RNGTT: variants seen among roughly 807,000 people sequenced by gnomAD.
RNGTT encodes the protein mRNA-capping enzyme.
RNGTT carries 33 observed loss-of-function variants against 79.3 expected under a neutral mutation model. The ratio of observed to expected loss-of-function variants is 0.42; its 90% confidence interval spans 0.32 to 0.56. The LOEUF is 0.56. RNGTT is among the 20% of genes least tolerant of loss of function. The pLI, the probability that RNGTT is intolerant of heterozygous loss-of-function variation, is 0.17. For missense variants in RNGTT, 497 were observed against 739.1 expected (o/e 0.67, Z 3.80); for synonymous variants, 222 against 235.9 (o/e 0.94, Z 0.54).
At chr6:88,880,337 A>T (rs1286456125) in intron 8 of RNGTT, among the ~76,000 whole-genome samples, 6 of 152,150 alleles carry the variant, frequency 3.9e-5, no homozygotes, top group Admixed American at 2.6e-4. Flanking sequence ...ACTTAAACAG[A>T]TGTGTTATAA....
chr6:88,728,093 A>C lies in RNGTT; in HGVS notation c.1439+41681T>G, dbSNP rs1197953781. Among the ~76,000 whole-genome samples the C allele has an allele frequency of 3.3e-5, 5 of 152,354 alleles. No homozygotes were observed. The East Asian group carries it at 7.7e-4, about 23-fold the overall frequency. On this transcript the variant is annotated intron_variant, in intron 13 of 15. Coordinates refer to ENST00000369485, the MANE Select transcript of RNGTT (RefSeq NM_003800.5). ...CGTCCCCTCCAGGGTCATGGGCCAT[A>C]GTCCCAAGGGAAAACCCTACCAAAC...
intron 1 of RNGTT, among the ~76,000 whole-genome samples, chr6:88,946,470 A>G (rs1224698710): frequency 3.3e-5 from 5 of 152,160 alleles, no homozygotes; most frequent in Admixed American, 1.3e-4. Flanking sequence ...TAAGTGTTCA[A>G]GTGAAATGAA....
Position 88,678,548 on chromosome 6 carries a change from AAAGT to A in RNGTT, c.1440-133_1440-130del, listed in dbSNP as rs148445796. ...AATATATTAGATGGATGCTGTGAGA[AAAGT>A]AATAACTGTGTAATTATTCTTATCT... On this transcript the variant is annotated intron_variant, in intron 13 of 15. Transcript: ENST00000369485. 1,431 of 416,270 alleles carry A rather than the reference AAAGT, an allele frequency of 3.4e-3. 9 individuals are homozygous for A. The highest frequency in any genetic ancestry group is 0.027 in the African/African-American group (1,277 of 48,022). The allele number at this position is 416,270 out of a possible 1,614,324, so 25.8% of individuals were successfully genotyped here. A position where few individuals can be genotyped will look rare whatever the true frequency, so the allele number is the denominator to read the frequency against.
chr6:88,854,425 C>A (rs575974778), intron 8 of RNGTT, among the ~76,000 whole-genome samples: 2 of 152,188 alleles, frequency 1.3e-5, no homozygotes, highest in South Asian at 4.2e-4. Context: ...CACATATACA[C>A]ATATATAAAT....
intron 4 of RNGTT, among the ~76,000 whole-genome samples, chr6:88,913,512 C>T (rs1783904256): frequency 6.6e-6 from 1 of 152,120 alleles, no homozygotes; most frequent in Non-Finnish European, 1.5e-5. Flanking sequence ...TAATTCACTG[C>T]TTCAAGCAAA....
At chr6:88,921,780 G>GA (rs1458067041) in intron 4 of RNGTT, among the ~76,000 whole-genome samples, 1 of 150,744 alleles carries the variant, frequency 6.6e-6, no homozygotes, top group East Asian at 1.9e-4. Flanking sequence ...AAATATTTGG[G>GA]AAAAAACTCA....
At chr6:88,791,865 A>G (rs1450563320) in intron 12 of RNGTT, among the ~76,000 whole-genome samples, 2 of 152,146 alleles carry the variant, frequency 1.3e-5, no homozygotes, top group Non-Finnish European at 2.9e-5. Flanking sequence ...TCAAAATACC[A>G]TAACTATTAT....
chr6:88,639,954 A>G (rs554541501), intron 14 of RNGTT, among the ~76,000 whole-genome samples: 1 of 152,320 alleles, frequency 6.6e-6, no homozygotes, highest in East Asian at 1.9e-4. Context: ...TGGCTTAAAA[A>G]TGACTTCAAT....
At chr6:88,861,309 T>A (rs551115893) in intron 8 of RNGTT, among the ~76,000 whole-genome samples, 1 of 152,168 alleles carries the variant, frequency 6.6e-6, no homozygotes, top group Non-Finnish European at 1.5e-5. Context: ...TAGGAGCAGT[T>A]GGTCACACCA....
intron 12 of RNGTT, among the ~76,000 whole-genome samples, chr6:88,771,348 T>TACAC (rs1419244656): frequency 7.8e-5 from 10 of 128,812 alleles, no homozygotes; most frequent in African/African-American, 2.6e-4. Context: ...TATATATATA[T>TACAC]ATACACACAC....
intron 8 of RNGTT, among the ~76,000 whole-genome samples, chr6:88,873,155 T>C (rs1236198080): frequency 6.6e-6 from 1 of 152,104 alleles, no homozygotes; most frequent in Admixed American, 6.5e-5. Flanking sequence ...CTGCTTATCA[T>C]AAAGCAAAGG....
At chr6:88,759,338 C>A (rs1276328875) in intron 13 of RNGTT, among the ~76,000 whole-genome samples, 1 of 152,120 alleles carries the variant, frequency 6.6e-6, no homozygotes, top group African/African-American at 2.4e-5. Context: ...ATCCTCCCTA[C>A]CCGGCTCTAG....
chr6:88,930,950 TAAG>T (rs1247300053), intron 2 of RNGTT, among the ~76,000 whole-genome samples: 1 of 152,072 alleles, frequency 6.6e-6, no homozygotes, highest in Non-Finnish European at 1.5e-5. Context: ...AGTAAAGTAG[TAAG>T]AAGATTCCCT....
chr6:88,891,866 G>A lies in RNGTT; in HGVS notation c.734C>T (p.Thr245Ile), dbSNP rs1315535578. Residue 245 changes from threonine (T) to isoleucine (I), a missense_variant, in exon 7 of 16, where the codon ACA becomes ATA. Thr to Ile is a moderately conservative substitution (Grantham distance 89, BLOSUM62 -1). Coordinates refer to ENST00000369485, the MANE Select transcript of RNGTT (RefSeq NM_003800.5). ...GVTVKGVTQV[T>I]TQPKLGEVQQ... ...TACCTCTCCTAACTTTGGTTGTGTT[G>A]TTACTTGAGTTACACCTTTAACAGT... 1 of 1,603,400 alleles carries A rather than the reference G, an allele frequency of 6.2e-7. No individual in the cohort carries two copies. The highest frequency in any genetic ancestry group is 1.7e-5 in the Admixed American group (1 of 59,234).
chr6:88,925,749 C>T (rs1784299846), intron 4 of RNGTT, among the ~76,000 whole-genome samples: 2 of 151,984 alleles, frequency 1.3e-5, no homozygotes, highest in African/African-American at 2.4e-5. Context: ...CAGTGGTGCA[C>T]GTAGTCCCAG....
At chr6:88,694,245 AACAAAT>A (rs1775580204) in intron 13 of RNGTT, among the ~76,000 whole-genome samples, 1 of 152,208 alleles carries the variant, frequency 6.6e-6, no homozygotes, top group South Asian at 2.1e-4. Context: ...AGAACTAATA[AACAAAT>A]ACAGTCAAGT....
intron 12 of RNGTT, among the ~76,000 whole-genome samples, chr6:88,775,682 C>T (rs1202831519): frequency 6.6e-6 from 1 of 152,120 alleles, no homozygotes; most frequent in Non-Finnish European, 1.5e-5. Context: ...GTTTGTTTCT[C>T]CCCCATTTAA....
rs34763553 is a variant in RNGTT at position 88,774,302 on chromosome 6, G to GAAA, written c.1339-4431_1339-4429dup. 9.7e-3 allele frequency among the ~76,000 whole-genome samples: 1,460 copies of GAAA among 150,312 alleles called. 16 individuals are homozygous for GAAA. The highest frequency in any genetic ancestry group is 0.033 in the African/African-American group (1,363 of 40,992). ...TACTAACTAGGGTGACTATAATTTA[G>GAAA]AAAAAAAAACACAGAAACTAACAAG... On this transcript the variant is annotated intron_variant, in intron 12 of 15. Transcript: ENST00000369485.
Position 88,813,393 on chromosome 6 carries a change from T to G in RNGTT, c.1270-11761A>C, listed in dbSNP as rs551544588. ...CCTACCAATCCCTGAACACACTCCC[T>G]AAACCTTTTCTAATGAAATTACTGC... On this transcript the variant is annotated intron_variant, in intron 11 of 15. Coordinates refer to ENST00000369485, the MANE Select transcript of RNGTT (RefSeq NM_003800.5). 2.1e-4 allele frequency among the ~76,000 whole-genome samples: 32 copies of G among 152,298 alleles called. No individual in the cohort carries two copies. In the South Asian group the frequency reaches 3.3e-3, roughly 16 times the overall value.
Sources: allele counts gnomAD v4.1 joint callset (sites outside exome capture counted in the v4.1 genomes callset), GRCh38; gene constraint gnomAD v4.1.1; transcripts MANE v1.5; gene names NCBI Gene and HGNC (gene_info 2026-07-23, HGNC 2026-07-21).